The following CEMIP variants were observed in gnomAD, a reference collection of about 807,000 sequenced individuals.
The protein encoded by CEMIP is cell migration-inducing and hyaluronan-binding protein.
CEMIP carries 105 observed loss-of-function variants against 156.9 expected under a neutral mutation model. The ratio of observed to expected loss-of-function variants is 0.67; its 90% CI spans 0.57 to 0.79. CEMIP has a LOEUF of 0.79. CEMIP is among the 30% of genes least tolerant of loss of function. The pLI is 0.00. For synonymous variants in CEMIP, 676 were observed against 668.4 expected (o/e 1.01, Z -0.17); for missense variants, 1,457 against 1,769.4 (o/e 0.82, Z 3.17).
intron 19 of CEMIP, among the ~76,000 whole-genome samples, chr15:80,926,813 AGCGG>A (rs1900690360): frequency 4.7e-5 from 1 of 21,486 alleles, no homozygotes; most frequent in African/African-American, 8.7e-5. Context: ...AGAGAGACTG[AGCGG>A]GTGGGGGGGG....
At chr15:80,783,652 T>C (rs1440680051) in intron 1 of CEMIP, among the ~76,000 whole-genome samples, 2 of 152,162 alleles carry the variant, frequency 1.3e-5, no homozygotes, top group African/African-American at 4.8e-5. Flanking sequence ...CTTTGCTAAT[T>C]TGAGTAGGAT....
At chr15:80,804,605 C>T (rs970509975) in intron 1 of CEMIP, among the ~76,000 whole-genome samples, 2 of 152,162 alleles carry the variant, frequency 1.3e-5, no homozygotes, top group Admixed American at 1.3e-4. Flanking sequence ...ACCTACTGCT[C>T]CAGATGTCCC....
At chr15:80,796,256 A>G (rs1433113973) in intron 1 of CEMIP, among the ~76,000 whole-genome samples, 1 of 152,166 alleles carries the variant, frequency 6.6e-6, no homozygotes, top group Non-Finnish European at 1.5e-5. Flanking sequence ...CTACATGTAC[A>G]TGCCACCGTG....
chr15:80,920,451 T>C, intron 15 of CEMIP, 152 bp downstream of exon 15: 1 of 677,280 alleles, frequency 1.5e-6, no homozygotes, highest in Non-Finnish European at 2.5e-6. Flanking sequence ...CGGCTCCAGC[T>C]TCCTGCAAAG....
chr15:80,802,146 TGCTTGCATTAATCA>T (rs1896393059), intron 1 of CEMIP, among the ~76,000 whole-genome samples: 1 of 152,200 alleles, frequency 6.6e-6, no homozygotes, highest in Non-Finnish European at 1.5e-5. Flanking sequence ...CATGGCCTGG[TGCTTGCATTAATCA>T]GCTTTCTAAT....
At chr15:80,797,365 G>T (rs1896256252) in intron 1 of CEMIP, among the ~76,000 whole-genome samples, 1 of 152,200 alleles carries the variant, frequency 6.6e-6, no homozygotes, top group African/African-American at 2.4e-5. Context: ...CATGAGCAGT[G>T]CTGGCGTGTG....
intron 1 of CEMIP, among the ~76,000 whole-genome samples, chr15:80,788,986 T>C (rs1896013971): frequency 6.6e-6 from 1 of 152,262 alleles, no homozygotes; most frequent in South Asian, 2.1e-4. Context: ...ATTTTGGTTT[T>C]TAAAGTGTTG....
chr15:80,889,414 G>A, intron 9 of CEMIP, 57 bp from the exon 10 acceptor site: 2 of 1,612,564 alleles, frequency 1.2e-6, no homozygotes, highest in Admixed American at 1.7e-5. Context: ...AACACTGAGT[G>A]TGACTTGCCC....
intron 17 of CEMIP, among the ~76,000 whole-genome samples, chr15:80,923,396 G>A (rs761719741): frequency 1.3e-5 from 2 of 152,168 alleles, no homozygotes; most frequent in Non-Finnish European, 2.9e-5. Context: ...GAGAGAATGT[G>A]TTGGCTGCTT....
chr15:80,873,340 G>A (rs528213146), intron 1 of CEMIP, among the ~76,000 whole-genome samples, 198 bp from the exon 2 acceptor site: 1 of 152,214 alleles, frequency 6.6e-6, no homozygotes, highest in East Asian at 1.9e-4. Flanking sequence ...ATTATTATCC[G>A]GGACTGGATT....
intron 1 of CEMIP, among the ~76,000 whole-genome samples, chr15:80,867,274 G>A (rs564650147): frequency 2.6e-5 from 4 of 152,306 alleles, no homozygotes; most frequent in Non-Finnish European, 5.9e-5. Flanking sequence ...GAAAGTGCAC[G>A]CTGGAATAGG....
chr15:80,825,644 GGGA>G (rs1338955083), intron 1 of CEMIP, among the ~76,000 whole-genome samples: 2 of 152,184 alleles, frequency 1.3e-5, no homozygotes, highest in African/African-American at 2.4e-5. Context: ...CATTAGCATT[GGGA>G]GGAGAACAAA....
rs138619937 is a variant in CEMIP at position 80,854,959 on chromosome 15, G to A, written c.-175-18579G>A. ...GAATCCCAGCCCTTTGGGAGGCCGA[G>A]GCAGGAGGATCACTTCAGTCCAGGA... is the stretch of plus-strand genomic sequence containing the variant. On this transcript the variant is annotated intron_variant, in intron 1 of 29. Coordinates refer to ENST00000394685, the MANE Select transcript of CEMIP (RefSeq NM_001293298.2). 5.3e-3 allele frequency among the ~76,000 whole-genome samples: 808 copies of A among 152,322 alleles called. 10 individuals carry two copies. Among genetic ancestry groups the A allele is most frequent in the African/African-American group, 0.015 (615 of 41,576 alleles).
At chr15:80,901,427 C>G (rs1320641729) in intron 12 of CEMIP, among the ~76,000 whole-genome samples, 3 of 152,114 alleles carry the variant, frequency 2.0e-5, no homozygotes, top group Admixed American at 6.5e-5. Flanking sequence ...CCTGGCCAGG[C>G]GTGGTGGCTT....
rs562992690 is a variant in CEMIP at position 80,878,618 on chromosome 15, G to A, written c.95-103G>A. On this transcript the variant is annotated intron_variant, in intron 3 of 29. Transcript: ENST00000394685. The stretch of plus-strand genomic sequence containing the variant: ...TTGCTTTTAGCTCTAACAGAGAGGA[G>A]GTAGGGGCCTTAAAGATGCATGGGA... 1.7e-5 allele frequency: 25 copies of A among 1,462,542 alleles called. No individual in the cohort carries two copies. The Admixed American group carries it at 4.1e-4, about 24-fold the overall frequency. The allele number at this position is 1,462,542 out of a possible 1,614,324, so 90.6% of individuals were successfully genotyped here. A position where few individuals can be genotyped will look rare whatever the true frequency, so the allele number is the denominator to read the frequency against.
At chr15:80,859,994 C>T (rs1897946500) in intron 1 of CEMIP, among the ~76,000 whole-genome samples, 1 of 152,122 alleles carries the variant, frequency 6.6e-6, no homozygotes, top group South Asian at 2.1e-4. Flanking sequence ...AGAGTATTCT[C>T]CCTGTCTCCC....
chr15:80,831,870 C>T lies in CEMIP; in HGVS notation c.-175-41668C>T, dbSNP rs114426339. Among the ~76,000 whole-genome samples, 1,133 of 152,274 alleles carry T rather than the reference C, an allele frequency of 7.4e-3. 8 individuals are homozygous for T. Among genetic ancestry groups the T allele is most frequent in the African/African-American group, 0.026 (1,073 of 41,538 alleles). On this transcript the variant is annotated intron_variant, in intron 1 of 29. Transcript: ENST00000394685. ...CTGGGCTCATTCAAGGGCGTTAGTGCCAAATTCCTTCTCCCTGGCCTTCCT... is the reference window on the plus strand; with the variant it reads ...CTGGGCTCATTCAAGGGCGTTAGTGTCAAATTCCTTCTCCCTGGCCTTCCT...
chr15:80,930,931 AG>A (rs1256665922), intron 21 of CEMIP, among the ~76,000 whole-genome samples: 3 of 152,200 alleles, frequency 2.0e-5, no homozygotes, highest in African/African-American at 7.2e-5. Flanking sequence ...AGAAGGAGCA[AG>A]CCTAGACTGG....
At chr15:80,832,546 G>C (rs1897180377) in intron 1 of CEMIP, among the ~76,000 whole-genome samples, 1 of 152,018 alleles carries the variant, frequency 6.6e-6, no homozygotes, top group Non-Finnish European at 1.5e-5. Flanking sequence ...AATGAGTTTT[G>C]GGGGTCTCAC....
Sources: allele counts gnomAD v4.1 joint callset (sites outside exome capture counted in the v4.1 genomes callset), GRCh38; gene constraint gnomAD v4.1.1; transcripts MANE v1.5; gene names NCBI Gene and HGNC (gene_info 2026-07-23, HGNC 2026-07-21).